ITGB4: variants seen among roughly 807,000 people sequenced by gnomAD.
ITGB4 encodes the protein integrin subunit beta 4.
ITGB4 carries 159 observed loss-of-function variants against 207.6 expected under a neutral mutation model. The observed-to-expected ratio is 0.77, with a 90% CI of 0.67 to 0.87. The LOEUF (loss-of-function observed/expected upper bound fraction) is 0.87. Among genes scored for constraint, ITGB4 ranks in the 40% least tolerant of loss-of-function variants. The pLI is 0.00. For synonymous variants in ITGB4, 1,020 were observed against 1,062.7 expected, an observed-to-expected ratio of 0.96 and a Z score of 0.78; for missense variants, 2,278 against 2,546.8, an observed-to-expected ratio of 0.89 and a Z score of 2.27.
chr17:75,740,696 CTGGG>C lies in ITGB4; in HGVS notation c.2551-95_2551-92del. 1 of 1,387,050 alleles carries C rather than the reference CTGGG, an allele frequency of 7.2e-7. No homozygotes were observed. Among genetic ancestry groups the C allele is most frequent in the Non-Finnish European group, 1.0e-6 (1 of 977,054 alleles). 85.9% of individuals were successfully genotyped at this position (1,387,050 alleles called of 1,614,324 possible). A position where few individuals can be genotyped will look rare whatever the true frequency, so the allele number is the denominator to read the frequency against. On this transcript the variant is annotated intron_variant, in intron 21 of 39. Transcript: ENST00000200181. The surrounding 1 kb of genome is among the most constrained non-coding windows in gnomAD (Gnocchi z 5.9). ...ATGCCCCAGCCAACCCTGAGGATCT[CTGGG>C]TACAGAGGCTGCCTGGCTCCCTGGG...
At chr17:75,725,594 G>A (rs941915689) in intron 2 of ITGB4, among the ~76,000 whole-genome samples, 4 of 152,216 alleles carry the variant, frequency 2.6e-5, no homozygotes, top group Non-Finnish European at 4.4e-5. Flanking sequence ...GATTACAGGT[G>A]TGAGCCATCG....
intron 26 of ITGB4, among the ~76,000 whole-genome samples, chr17:75,747,173 G>A (rs1416426772): frequency 6.6e-6 from 1 of 151,868 alleles, no homozygotes; most frequent in East Asian, 1.9e-4. Context: ...GATTATACTA[G>A]TACCTAAAAT....
rs1352225738 is a variant in ITGB4 at position 75,732,723 on chromosome 17, T to A, written c.1454+484T>A. On this transcript the variant is annotated intron_variant, in intron 12 of 39. Coordinates refer to ENST00000200181, the MANE Select transcript of ITGB4 (RefSeq NM_000213.5). This position sits in a 1 kb window ranked among gnomAD's most constrained non-coding sequence, Gnocchi z 5.3. Reference sequence around the variant, plus strand: ...AGGGCACTGGGGTTTAGGTCTCAGCTCAGCCACTTCTGTCTGCATGACTGG... The same window carrying A: ...AGGGCACTGGGGTTTAGGTCTCAGCACAGCCACTTCTGTCTGCATGACTGG... Among the ~76,000 whole-genome samples, 4 of 152,160 alleles carry A rather than the reference T, an allele frequency of 2.6e-5. No homozygotes were observed. Among genetic ancestry groups the A allele is most frequent in the Non-Finnish European group, 5.9e-5 (4 of 68,030 alleles).
chr17:75,755,566 A>T, intron 34 of ITGB4, 135 bp from the exon 35 acceptor site: 1 of 1,116,542 alleles, frequency 9.0e-7, no homozygotes, highest in Non-Finnish European at 1.3e-6. Flanking sequence ...AGGGTGTTGC[A>T]GGGTGAGTGA....
Position 75,727,292 on chromosome 17 carries a change from C to CG in ITGB4, c.162+18dup. On this transcript the variant is annotated intron_variant, in intron 3 of 39. Coordinates refer to ENST00000200181, the MANE Select transcript of ITGB4 (RefSeq NM_000213.5). This position sits in a 1 kb window ranked among gnomAD's most constrained non-coding sequence, Gnocchi z 6.0. ...GCACAGACGAGGTGAGGACCTGGCC[C>CG]GGGTTGGTGTGGAACAGGCAAGGGT... The CG allele has an allele frequency of 6.2e-7, 1 of 1,613,574 alleles. No homozygotes were observed. The highest frequency in any genetic ancestry group is 8.5e-7 in the Non-Finnish European group (1 of 1,179,778).
rs758288934 is a variant in ITGB4, at chr17:75,755,737, C to A, written c.4595C>A (p.Thr1532Asn). ...ACTGCTGGTGTGCCCGACACGCCCACCCGCCTGGTGTTCTCTGCCCTGGGG... is the reference window on the plus strand; with the variant it reads ...ACTGCTGGTGTGCCCGACACGCCCAACCGCCTGGTGTTCTCTGCCCTGGGG... Reference protein sequence around the residue: ...RLTAGVPDTPTRLVFSALGPT... With the variant: ...RLTAGVPDTPNRLVFSALGPT... Residue 1532 changes from threonine to asparagine, a missense_variant, in exon 35 of 40, where the codon ACC becomes AAC. Physicochemically the swap from Thr to Asn is moderately conservative, Grantham distance 65 (BLOSUM62 0). Coordinates refer to ENST00000200181, the MANE Select transcript of ITGB4 (RefSeq NM_000213.5). 27 of 1,612,956 alleles carry A rather than the reference C, an allele frequency of 1.7e-5. No homozygotes were observed. Among genetic ancestry groups the A allele is most frequent in the Non-Finnish European group, 2.3e-5 (27 of 1,179,920 alleles).
Position 75,743,859 on chromosome 17 carries a change from C to G in ITGB4, c.3109C>G (p.Arg1037Gly), listed in dbSNP as rs1432276221. ...RTQDGTAQGN[R>G]DYIPVEGELL... ...ACAGGATGGCACCGCGCAGGGCAAC[C>G]GGGTGAGGCTGCGCCACAGGGTCGA... is the stretch of plus-strand genomic sequence containing the variant. Residue 1037 changes from arginine (R) to glycine (G), a missense_variant and splice_region_variant, in exon 26 of 40, where the codon CGG becomes GGG. Physicochemically the swap from Arg to Gly is moderately radical, Grantham distance 125. Transcript: ENST00000200181. 5 of 1,583,076 alleles carry G rather than the reference C, an allele frequency of 3.2e-6. No homozygotes were observed. The highest frequency in any genetic ancestry group is 4.3e-6 in the Non-Finnish European group (5 of 1,165,394).
rs757546708 is a variant in ITGB4, at chr17:75,742,499, C to T, written c.2782+10C>T. On this transcript the variant is annotated intron_variant, in intron 24 of 39. Transcript: ENST00000200181. The surrounding 1 kb of genome is among the most constrained non-coding windows in gnomAD (Gnocchi z 5.9). ...CTCACTGCAGACCAGGGTAGGAGGG[C>T]GGGTCCGCTGTGCCACTGCCTCGCA... 1.2e-5 allele frequency: 19 copies of T among 1,612,868 alleles called. No individual in the cohort carries two copies. Among genetic ancestry groups the T allele is most frequent in the East Asian group, 2.2e-5 (1 of 44,844 alleles).
rs933907638 is a variant in ITGB4, at chr17:75,740,290, C to G, written c.2447-68C>G. 18 of 1,414,778 alleles carry G rather than the reference C, an allele frequency of 1.3e-5. No homozygotes were observed. The highest frequency in any genetic ancestry group is 1.8e-5 in the Non-Finnish European group (18 of 1,014,258). 87.6% of individuals were successfully genotyped at this position (1,414,778 alleles called of 1,614,324 possible). ...TCCTAGCATGGTTGCTGGAGGGATGCTCTGTGGTGCCTGTCATGCAGGGGG... is the reference window on the plus strand; with the variant it reads ...TCCTAGCATGGTTGCTGGAGGGATGGTCTGTGGTGCCTGTCATGCAGGGGG... On this transcript the variant is annotated intron_variant, in intron 20 of 39. Coordinates refer to ENST00000200181, the MANE Select transcript of ITGB4 (RefSeq NM_000213.5). This position sits in a 1 kb window ranked among gnomAD's most constrained non-coding sequence, Gnocchi z 5.9.
In ITGB4 at chr17:75,750,563, C is replaced by T; in HGVS notation, c.3475-117C>T. The stretch of plus-strand genomic sequence containing the variant: ...GTGTGCACATGGCAGATCTCTCAGC[C>T]CCTCCCTCGGGCCTCATCTGTGCAA... On this transcript the variant is annotated intron_variant, in intron 28 of 39. Transcript: ENST00000200181. This position sits in a 1 kb window ranked among gnomAD's most constrained non-coding sequence, Gnocchi z 5.5. 2 of 956,556 alleles carry T rather than the reference C, an allele frequency of 2.1e-6. No homozygotes were observed. The highest frequency in any genetic ancestry group is 3.2e-6 in the Non-Finnish European group (2 of 615,470). The allele number at this position is 956,556 out of a possible 1,614,324, so 59.3% of individuals were successfully genotyped here. A position where few individuals can be genotyped will look rare whatever the true frequency, so the allele number is the denominator to read the frequency against.
chr17:75,747,423 G>A (rs1452112817), intron 26 of ITGB4, among the ~76,000 whole-genome samples: 5 of 152,040 alleles, frequency 3.3e-5, no homozygotes, highest in African/African-American at 9.7e-5. Flanking sequence ...AGGTTGCAGT[G>A]AGCCAAGATT....
In ITGB4 at chr17:75,756,493, G is replaced by A. The variant is rs1168793612; in HGVS notation, c.4773G>A (p.Leu1591=). The A allele has an allele frequency of 6.2e-7, 1 of 1,613,160 alleles. No homozygotes were observed. Residue 1591 remains leucine (L), a synonymous_variant, in exon 36 of 40, where the codon CTG becomes CTA. Transcript: ENST00000200181. ...CCTCGGTGGTGGTGGAAGACCTCCT[G>A]CCCAACCACTCCTACGTGTTCCGCG... ...AQTSVVVEDL[L]PNHSYVFRVR...
chr17:75,742,386 G>C lies in ITGB4; in HGVS notation c.2679G>C (p.Ser893=), dbSNP rs149712551. ...ACACAGTGCTGATGGCGCCCCGCTCGGCCAAGCCGGCCCTGCTGAAGCTTA... is the reference window on the plus strand; with the variant it reads ...ACACAGTGCTGATGGCGCCCCGCTCCGCCAAGCCGGCCCTGCTGAAGCTTA... The part of the protein sequence containing the change: ...IVDTVLMAPR[S]AKPALLKLTE... Residue 893 remains serine, a synonymous_variant, in exon 24 of 40, where the codon TCG becomes TCC. Coordinates refer to ENST00000200181, the MANE Select transcript of ITGB4 (RefSeq NM_000213.5). This position sits in a 1 kb window ranked among gnomAD's most constrained non-coding sequence, Gnocchi z 5.9. The C allele has an allele frequency of 3.1e-6, 5 of 1,613,280 alleles. No individual in the cohort carries two copies. Among genetic ancestry groups the C allele is most frequent in the Non-Finnish European group, 4.2e-6 (5 of 1,180,022 alleles).
intron 26 of ITGB4, among the ~76,000 whole-genome samples, chr17:75,746,977 T>C (rs1003028891): frequency 6.6e-5 from 10 of 151,704 alleles, no homozygotes; most frequent in Non-Finnish European, 1.5e-4. Context: ...TTTAAAACAT[T>C]TTAATTTCTC....
intron 8 of ITGB4, 41 bp downstream of exon 8, chr17:75,730,545 AGGG>A: frequency 6.2e-7 from 1 of 1,610,070 alleles, no homozygotes; most frequent in Admixed American, 1.7e-5. Context: ...TGGTCAAGGT[AGGG>A]GGTCCATGGA....
Position 75,727,824 on chromosome 17 carries a change from G to A in ITGB4, c.438G>A (p.Leu146=), listed in dbSNP as rs2060755686. 6.2e-7 allele frequency: 1 copy of A among 1,613,840 alleles called. No homozygotes were observed. Among genetic ancestry groups the A allele is most frequent in the Non-Finnish European group, 8.5e-7 (1 of 1,179,956 alleles). Residue 146 remains leucine (L), a synonymous_variant, in exon 5 of 40, where the codon CTG becomes CTA. Transcript: ENST00000200181. The surrounding 1 kb of genome is among the most constrained non-coding windows in gnomAD (Gnocchi z 6.0). Reference sequence around the variant, plus strand: ...TCTCCAACTCCATGTCCGATGATCTGGACAACCTCAAGAAGATGGGGCAGA... The same window carrying A: ...TCTCCAACTCCATGTCCGATGATCTAGACAACCTCAAGAAGATGGGGCAGA... ...MDFSNSMSDD[L]DNLKKMGQNL...
chr17:75,755,581 TC>T, intron 34 of ITGB4, 119 bp from the exon 35 acceptor site: 1 of 1,309,480 alleles, frequency 7.6e-7, no homozygotes, highest in Non-Finnish European at 1.1e-6. Flanking sequence ...GAGTGAGTTG[TC>T]CAGCCAGCGG....
chr17:75,721,785 A>AGGGGC, intron 1 of ITGB4, among the ~76,000 whole-genome samples, 173 bp downstream of exon 1: 1 of 152,178 alleles, frequency 6.6e-6, no homozygotes, highest in South Asian at 2.1e-4. Flanking sequence ...CTGGCAGCCA[A>AGGGGC]GGGGCAGGGC....
chr17:75,731,660 A>C lies in ITGB4; in HGVS notation c.1216-152A>C. On this transcript the variant is annotated intron_variant, in intron 10 of 39. Coordinates refer to ENST00000200181, the MANE Select transcript of ITGB4 (RefSeq NM_000213.5). This position sits in a 1 kb window ranked among gnomAD's most constrained non-coding sequence, Gnocchi z 6.8. ...TATGATTGTGACTGCGCTGGGAAGG[A>C]GGGAGTTTCCAGCCCTGAGGGAGGT... 4 of 868,916 alleles carry C rather than the reference A, an allele frequency of 4.6e-6. No individual in the cohort carries two copies. The South Asian group carries it at 7.1e-5, about 16-fold the overall frequency. 53.8% of individuals were successfully genotyped at this position (868,916 alleles called of 1,614,324 possible). A position where few individuals can be genotyped will look rare whatever the true frequency, so the allele number is the denominator to read the frequency against.
Sources: gnomAD v4.1 joint callset for allele counts (sites outside exome capture counted in the v4.1 genomes callset) on GRCh38, gnomAD v4.1.1 for gene constraint, Gnocchi (gnomAD v3.1) non-coding constraint, MANE v1.5 for transcripts, NCBI Gene and HGNC (gene_info 2026-07-23, HGNC 2026-07-21) for gene names.